FBXO11: variants seen among roughly 807,000 people sequenced by gnomAD.
FBXO11 encodes the protein F-box only protein 11.
Under a neutral mutation model 117.0 loss-of-function variants are expected in FBXO11, and 13 were observed. The ratio of observed to expected loss-of-function variants is 0.11; its 90% confidence interval spans 0.07 to 0.18. The LOEUF (loss-of-function observed/expected upper bound fraction) is 0.18. FBXO11 is among the 10% of genes least tolerant of loss of function. FBXO11 has a pLI of 1.00. For synonymous variants in FBXO11, 490 were observed against 380.5 expected (o/e 1.29, Z -3.35); for missense variants, 767 against 1,164.4 (o/e 0.66, Z 4.97).
At chr2:47,820,332 GT>G (rs1558411238) in intron 14 of FBXO11, 29 bp downstream of exon 14, 1 of 1,571,496 alleles carries the variant, frequency 6.4e-7, no homozygotes, top group South Asian at 1.1e-5. Flanking sequence ...TGATGCATGA[GT>G]TTATAGGGAA....
chr2:47,878,243 G>A (rs950204004), intron 1 of FBXO11, among the ~76,000 whole-genome samples: 34 of 152,146 alleles, frequency 2.2e-4, no homozygotes, highest in African/African-American at 7.5e-4. Flanking sequence ...CCAATATACA[G>A]TAGAGTTTTG....
rs370290512 is a variant in FBXO11 at position 47,900,450 on chromosome 2, A to C, written c.232+5039T>G. 1.9e-4 allele frequency among the ~76,000 whole-genome samples: 29 copies of C among 152,164 alleles called. No individual in the cohort carries two copies. In the East Asian group the frequency reaches 4.3e-3, roughly 22 times the overall value. ...GCTAGAACAATGCCACAGAAAGTAT[A>C]ACTAGCATTCCTGACTAGAACAGCA... On this transcript the variant is annotated intron_variant, in intron 1 of 22. Transcript: ENST00000403359.
intron 11 of FBXO11, among the ~76,000 whole-genome samples, chr2:47,824,654 A>G (rs1671617869): frequency 2.6e-5 from 4 of 152,358 alleles, no homozygotes; most frequent in African/African-American, 9.6e-5. Flanking sequence ...AAAGTAGTAT[A>G]CATTATGTAT....
intron 1 of FBXO11, among the ~76,000 whole-genome samples, chr2:47,861,265 G>C (rs1674751848): frequency 6.6e-6 from 1 of 150,614 alleles, no homozygotes; most frequent in Non-Finnish European, 1.5e-5. Context: ...CTATGGAGTA[G>C]ATATTGTAAT....
chr2:47,894,717 A>G lies in FBXO11; in HGVS notation c.232+10772T>C, dbSNP rs572919421. On this transcript the variant is annotated intron_variant, in intron 1 of 22. Coordinates refer to ENST00000403359, the MANE Select transcript of FBXO11 (RefSeq NM_001190274.2). ...GTATACTTGCAAAAACTTAAAATTA[A>G]AAGAACTATTAAATGTTTGTGTGTC... 3.6e-3 allele frequency among the ~76,000 whole-genome samples: 551 copies of G among 152,336 alleles called. 2 individuals are homozygous for G. Among genetic ancestry groups the G allele is most frequent in the South Asian group, 6.6e-3 (32 of 4,834 alleles).
At chr2:47,857,524 T>C (rs570518864) in intron 1 of FBXO11, among the ~76,000 whole-genome samples, 2 of 152,248 alleles carry the variant, frequency 1.3e-5, no homozygotes, top group Non-Finnish European at 2.9e-5. Context: ...AGATGCTGTA[T>C]CTGCAGTACA....
At chr2:47,879,279 A>G (rs1247824000) in intron 1 of FBXO11, among the ~76,000 whole-genome samples, 5 of 152,230 alleles carry the variant, frequency 3.3e-5, no homozygotes, top group Non-Finnish European at 7.3e-5. Context: ...AGTATAAGAT[A>G]AATTTCAGAA....
chr2:47,861,492 A>C (rs142866587), intron 1 of FBXO11, among the ~76,000 whole-genome samples: 1,912 of 151,996 alleles, frequency 0.013, 29 homozygotes, highest in African/African-American at 0.041. Context: ...CTAATTAAAA[A>C]AATTTTTTTT....
chr2:47,840,164 TG>T (rs548902579), intron 1 of FBXO11, among the ~76,000 whole-genome samples: 57 of 152,042 alleles, frequency 3.7e-4, no homozygotes, highest in African/African-American at 1.3e-3. Flanking sequence ...AGGATGGTCT[TG>T]ATCTCCTGAC....
intron 5 of FBXO11, among the ~76,000 whole-genome samples, chr2:47,835,335 A>T (rs1672468771): frequency 6.6e-6 from 1 of 152,236 alleles, no homozygotes; most frequent in African/African-American, 2.4e-5. Context: ...CAAATGCTGA[A>T]CACTAATAAT....
Position 47,832,700 on chromosome 2 carries a change from A to G in FBXO11, c.1154-22T>C, listed in dbSNP as rs767260657. 1.9e-6 allele frequency: 3 copies of G among 1,611,166 alleles called. No homozygotes were observed. In the South Asian group the frequency reaches 3.3e-5, roughly 18 times the overall value. On this transcript the variant is annotated intron_variant, in intron 9 of 22. Transcript: ENST00000403359. Reference sequence around the variant, plus strand: ...CCAACTGTAGAAAAATTATTTATTTATGTAAAAACCTACTGGGCAACATAC... The same window carrying G: ...CCAACTGTAGAAAAATTATTTATTTGTGTAAAAACCTACTGGGCAACATAC...
chr2:47,869,411 G>A (rs991224705), intron 1 of FBXO11, among the ~76,000 whole-genome samples: 2 of 152,096 alleles, frequency 1.3e-5, no homozygotes, highest in Non-Finnish European at 2.9e-5. Context: ...ACAACCAAGC[G>A]GTAACTAACT....
intron 1 of FBXO11, among the ~76,000 whole-genome samples, chr2:47,843,794 G>A (rs948329798): frequency 1.7e-4 from 26 of 152,100 alleles, no homozygotes; most frequent in Non-Finnish European, 1.2e-4. Context: ...AGGTTGGAGT[G>A]CAATGGCGTG....
intron 11 of FBXO11, among the ~76,000 whole-genome samples, chr2:47,827,688 T>TTAGATA (rs1671862488): frequency 6.6e-6 from 1 of 151,120 alleles, no homozygotes; most frequent in South Asian, 2.1e-4. Context: ...AATACAGAAC[T>TTAGATA]GTAAGAAATT....
intron 7 of FBXO11, among the ~76,000 whole-genome samples, chr2:47,833,986 A>G (rs942591151): frequency 6.6e-6 from 1 of 152,210 alleles, no homozygotes; most frequent in African/African-American, 2.4e-5. Context: ...ATTTTCAAAT[A>G]AAAGATGAAA....
chr2:47,881,811 A>C (rs2103908120), intron 1 of FBXO11, among the ~76,000 whole-genome samples: 1 of 152,062 alleles, frequency 6.6e-6, no homozygotes, highest in East Asian at 1.9e-4. Flanking sequence ...AGTGGCATGC[A>C]TAATCTCTCA....
intron 4 of FBXO11, among the ~76,000 whole-genome samples, chr2:47,836,530 G>A (rs1672573232): frequency 6.6e-6 from 1 of 151,906 alleles, no homozygotes; most frequent in South Asian, 2.1e-4. Context: ...TACCCAGGCT[G>A]GTCTCGAACT....
In FBXO11 at chr2:47,807,998, T is replaced by G. The variant is rs3732188; in HGVS notation, c.*120A>C. On this transcript the variant is annotated 3_prime_UTR_variant, in exon 23 of 23. Transcript: ENST00000403359. ...AGCTTCATAGTGTCAACTGACCTTG[T>G]GTATCCATTTTTAATACAGTCTCTT... is the stretch of plus-strand genomic sequence containing the variant. The G allele has an allele frequency of 2.2e-4, 194 of 882,162 alleles. 2 individuals carry two copies. The East Asian group carries it at 4.6e-3, about 21-fold the overall frequency. 54.6% of individuals were successfully genotyped at this position (882,162 alleles called of 1,614,324 possible).
chr2:47,901,261 C>G (rs769790225), intron 1 of FBXO11, among the ~76,000 whole-genome samples: 16 of 150,792 alleles, frequency 1.1e-4, no homozygotes, highest in Non-Finnish European at 2.1e-4. Context: ...TTTTATTCTA[C>G]AAGATTAGCT....
Sources: gnomAD v4.1 joint callset for allele counts (sites outside exome capture counted in the v4.1 genomes callset) on GRCh38, gnomAD v4.1.1 for gene constraint, MANE v1.5 for transcripts, NCBI Gene and HGNC (gene_info 2026-07-23, HGNC 2026-07-21) for gene names.